DKK2: variants seen among roughly 807,000 people sequenced by gnomAD.
DKK2 encodes the protein dickkopf Wnt signaling pathway inhibitor 2.
In DKK2, 11 loss-of-function variants were observed where a neutral mutation model predicts 28.1. The ratio of observed to expected loss-of-function variants is 0.39; its 90% CI spans 0.25 to 0.65. The LOEUF is 0.65. DKK2 is among the 30% of genes least tolerant of loss of function. The probability of loss-of-function intolerance (pLI) is 0.47; values close to 1 mark genes in which losing one functional copy is unlikely to be tolerated. For missense variants in DKK2, 326 were observed against 335.5 expected (o/e 0.97, Z 0.22); for synonymous variants, 135 against 126.5 (o/e 1.07, Z -0.45).
At chr4:106,928,471 T>A (rs554156659) in intron 1 of DKK2, among the ~76,000 whole-genome samples, 2 of 152,274 alleles carry the variant, frequency 1.3e-5, no homozygotes, top group South Asian at 4.1e-4. Context: ...TAAAAATAAA[T>A]TTTTTAATAA....
chr4:106,937,570 T>A (rs1724615037), intron 1 of DKK2, among the ~76,000 whole-genome samples: 2 of 151,232 alleles, frequency 1.3e-5, no homozygotes, highest in Non-Finnish European at 1.5e-5. Context: ...AGACAGAAAG[T>A]CAACAAGGAT....
At chr4:107,032,236 T>C (rs1383266357) in intron 1 of DKK2, among the ~76,000 whole-genome samples, 1 of 152,032 alleles carries the variant, frequency 6.6e-6, no homozygotes, top group East Asian at 1.9e-4. Flanking sequence ...CAATTTCCTA[T>C]GTCAGTTTCC....
chr4:107,035,619 C>A lies in DKK2; in HGVS notation c.-28G>T. 1 of 1,611,270 alleles carries A rather than the reference C, an allele frequency of 6.2e-7. No individual in the cohort carries two copies. Among genetic ancestry groups the A allele is most frequent in the South Asian group, 1.1e-5 (1 of 91,014 alleles). On this transcript the variant is annotated 5_prime_UTR_variant, in exon 1 of 4. Transcript: ENST00000285311. ...CCCGGCGAGGGGGTCCCCAGGAAGA[C>A]GCAAAGCCCGGAGGGGTGGGAATGC...
chr4:106,945,271 AG>A (rs371555586), intron 1 of DKK2, among the ~76,000 whole-genome samples: 89 of 152,276 alleles, frequency 5.8e-4, no homozygotes, highest in African/African-American at 2.1e-3. Flanking sequence ...GATGCTTCCA[AG>A]AAACATTAGA....
chr4:106,951,830 A>C (rs1724865003), intron 1 of DKK2, among the ~76,000 whole-genome samples: 1 of 152,192 alleles, frequency 6.6e-6, no homozygotes, highest in Non-Finnish European at 1.5e-5. Flanking sequence ...TAGTGTTTTA[A>C]AATTTTCTGC....
chr4:106,962,368 G>T (rs1722698416), intron 1 of DKK2, among the ~76,000 whole-genome samples: 1 of 152,074 alleles, frequency 6.6e-6, no homozygotes, highest in Admixed American at 6.6e-5. Flanking sequence ...ATAGAAAAAT[G>T]CAACAGAATA....
At chr4:106,924,883 T>A (rs1724404388) in intron 2 of DKK2, among the ~76,000 whole-genome samples, 183 bp from the exon 3 acceptor site, 1 of 152,200 alleles carries the variant, frequency 6.6e-6, no homozygotes, top group Non-Finnish European at 1.5e-5. Flanking sequence ...AAAGTGAAAC[T>A]TCTTTAATAT....
chr4:107,012,800 A>G (rs1253814632), intron 1 of DKK2, among the ~76,000 whole-genome samples: 1 of 151,188 alleles, frequency 6.6e-6, no homozygotes, highest in Admixed American at 6.6e-5. Flanking sequence ...CAGAGGATGT[A>G]CTCAGAGGTA....
At chr4:107,016,816 G>A (rs1307140132) in intron 1 of DKK2, among the ~76,000 whole-genome samples, 2 of 151,878 alleles carry the variant, frequency 1.3e-5, no homozygotes, top group Non-Finnish European at 2.9e-5. Context: ...AAAACCATGG[G>A]TGCAGCAGGT....
At chr4:106,981,402 C>T (rs1723025444) in intron 1 of DKK2, among the ~76,000 whole-genome samples, 2 of 152,052 alleles carry the variant, frequency 1.3e-5, no homozygotes, top group African/African-American at 2.4e-5. Flanking sequence ...ATTTTCCCCT[C>T]TTATTTAAAG....
chr4:106,972,283 A>G (rs1718129173), intron 1 of DKK2, among the ~76,000 whole-genome samples: 1 of 152,044 alleles, frequency 6.6e-6, no homozygotes, highest in South Asian at 2.1e-4. Context: ...TTATTCACTA[A>G]TTACAAAGCA....
chr4:107,035,260 G>T, intron 1 of DKK2, 110 bp downstream of exon 1: 1 of 1,311,030 alleles, frequency 7.6e-7, no homozygotes, highest in Non-Finnish European at 1.1e-6. Context: ...CCTGTTCTCT[G>T]TATCTGGGGC....
intron 1 of DKK2, among the ~76,000 whole-genome samples, chr4:106,951,153 A>G (rs1439800535): frequency 1.3e-5 from 2 of 152,132 alleles, no homozygotes. Flanking sequence ...ATGCACACCC[A>G]TGTTTAATCA....
intron 1 of DKK2, among the ~76,000 whole-genome samples, chr4:106,968,772 G>A (rs1426532557): frequency 6.6e-6 from 1 of 152,118 alleles, no homozygotes; most frequent in African/African-American, 2.4e-5. Context: ...CCAAGTGGTT[G>A]TCACACATGT....
intron 1 of DKK2, among the ~76,000 whole-genome samples, chr4:107,027,057 C>CAAATAGAGAAAAAA (rs1723790995): frequency 6.6e-6 from 1 of 151,990 alleles, no homozygotes; most frequent in Non-Finnish European, 1.5e-5. Flanking sequence ...AAAACAGAAA[C>CAAATAGAGAAAAAA]ACCATAATAG....
At chr4:106,986,046 T>C (rs1723115181) in intron 1 of DKK2, among the ~76,000 whole-genome samples, 2 of 152,118 alleles carry the variant, frequency 1.3e-5, no homozygotes, top group African/African-American at 4.8e-5. Context: ...AAGTGCTACC[T>C]CTTGGGAAGC....
intron 1 of DKK2, among the ~76,000 whole-genome samples, chr4:106,926,854 T>G (rs1271962099): frequency 6.6e-6 from 1 of 152,122 alleles, no homozygotes; most frequent in Non-Finnish European, 1.5e-5. Context: ...TACATACATA[T>G]ATACCCATTT....
chr4:106,936,770 A>G (rs374266623), intron 1 of DKK2, among the ~76,000 whole-genome samples: 11 of 152,162 alleles, frequency 7.2e-5, no homozygotes, highest in African/African-American at 1.2e-4. Context: ...CGGATCTCTC[A>G]GCAGAAACCC....
intron 1 of DKK2, among the ~76,000 whole-genome samples, chr4:106,952,847 T>A (rs949044503): frequency 6.6e-6 from 1 of 152,176 alleles, no homozygotes; most frequent in African/African-American, 2.4e-5. Context: ...CAGGTTTGGT[T>A]CACATGGTTA....
Sources: gnomAD v4.1 joint callset for allele counts (sites outside exome capture counted in the v4.1 genomes callset) on GRCh38, gnomAD v4.1.1 for gene constraint, MANE v1.5 for transcripts, NCBI Gene and HGNC (gene_info 2026-07-23, HGNC 2026-07-21) for gene names.